Variants in FAM20C observed in about 807,000 individuals in gnomAD.
The protein encoded by FAM20C is extracellular serine/threonine protein kinase FAM20C.
In FAM20C, 40 loss-of-function variants were observed where a neutral mutation model predicts 51.5. That is an observed-to-expected ratio of 0.78 (90% CI 0.60 to 1.01). FAM20C has a LOEUF of 1.01. FAM20C is among the 50% of genes least tolerant of loss of function. The probability of loss-of-function intolerance (pLI) is 0.00; values close to 1 mark genes in which losing one functional copy is unlikely to be tolerated. For missense variants in FAM20C, 861 were observed against 844.7 expected, an observed-to-expected ratio of 1.02 and a Z score of -0.24; for synonymous variants, 406 against 380.6, an observed-to-expected ratio of 1.07 and a Z score of -0.78.
At chr7:258,265 TAG>T (rs1788711066) in intron 8 of FAM20C, among the ~76,000 whole-genome samples, 3 of 124,944 alleles carry the variant, frequency 2.4e-5, no homozygotes, top group Admixed American at 7.5e-5. Context: ...GTGCTGGAGA[TAG>T]GCAGGGTGGA....
chr7:258,850 C>A, intron 9 of FAM20C, 145 bp downstream of exon 9: 2 of 836,302 alleles, frequency 2.4e-6, no homozygotes, highest in East Asian at 5.5e-5. Flanking sequence ...CTGAATTCAA[C>A]CCACACCCTC....
At chr7:220,109 T>A (rs1226653940) in intron 3 of FAM20C, among the ~76,000 whole-genome samples, 1 of 152,206 alleles carries the variant, frequency 6.6e-6, no homozygotes, top group African/African-American at 2.4e-5. Flanking sequence ...CAAGACCCCT[T>A]GCAGGAAGGT....
chr7:241,690 A>T (rs879191395), intron 3 of FAM20C, among the ~76,000 whole-genome samples: 50,669 of 151,912 alleles, frequency 0.33, 10,566 homozygotes, highest in African/African-American at 0.6. Context: ...ATCTGTGCAC[A>T]TATGTGTGTG....
chr7:247,873 C>G (rs897840914), intron 4 of FAM20C, among the ~76,000 whole-genome samples: 1 of 152,252 alleles, frequency 6.6e-6, no homozygotes, highest in Non-Finnish European at 1.5e-5. Flanking sequence ...ACCTGGTCAC[C>G]TCGCCTCACA....
chr7:251,040 A>G (rs374117265), intron 5 of FAM20C, among the ~76,000 whole-genome samples: 1 of 152,220 alleles, frequency 6.6e-6, no homozygotes, highest in Admixed American at 6.5e-5. Context: ...TGCTGAGAAC[A>G]TGCCCTGCCT....
intron 2 of FAM20C, among the ~76,000 whole-genome samples, chr7:208,479 C>T (rs567397617): frequency 4.1e-5 from 5 of 122,572 alleles, no homozygotes; most frequent in Non-Finnish European, 5.7e-5. Flanking sequence ...GAGTCAGGCC[C>T]TGTGTCTGTG....
Position 193,431 on chromosome 7 carries a change from G to A in FAM20C, c.232G>A (p.Gly78Ser), listed in dbSNP as rs1199024862. Residue 78 changes from glycine to serine, a missense_variant, in exon 1 of 10, where the codon GGC becomes AGC. Transcript: ENST00000313766. ...GCCCCCGGCCGCCTCCTCCGCCGCC[G>A]GCGACGCGGGCTGGCCCAACAAGCA... ...GEPPAASSAAGDAGWPNKHTL... is the reference protein window; with the variant it reads ...GEPPAASSAASDAGWPNKHTL... 4.2e-6 allele frequency: 6 copies of A among 1,420,292 alleles called. No individual in the cohort carries two copies. The highest frequency in any genetic ancestry group is 6.5e-5 in the East Asian group (2 of 30,894). 88.0% of individuals were successfully genotyped at this position (1,420,292 alleles called of 1,614,324 possible). A position where few individuals can be genotyped will look rare whatever the true frequency, so the allele number is the denominator to read the frequency against.
At chr7:252,680 G>A (rs1788447265) in intron 5 of FAM20C, among the ~76,000 whole-genome samples, 1 of 152,202 alleles carries the variant, frequency 6.6e-6, no homozygotes, top group African/African-American at 2.4e-5. Context: ...CAGTGCTCGG[G>A]GAAGGTGGGC....
rs142283826 is a variant in FAM20C at position 258,547 on chromosome 7, C to T, written c.1446-99C>T. 80,530 of 1,201,426 alleles carry T rather than the reference C, an allele frequency of 0.067. 3,465 individuals are homozygous for T. Among genetic ancestry groups the T allele is most frequent in the Non-Finnish European group, 0.079 (66,632 of 845,236 alleles). 74.4% of individuals were successfully genotyped at this position (1,201,426 alleles called of 1,614,324 possible). On this transcript the variant is annotated intron_variant, in intron 8 of 9. Coordinates refer to ENST00000313766, the MANE Select transcript of FAM20C (RefSeq NM_020223.4). ...TGGGTGGACCCACTGCCTGGGGTGT[C>T]GGGTACAGGCAGGTGGACCCATGGC...
chr7:256,876 C>A, intron 7 of FAM20C, 113 bp downstream of exon 7: 1 of 1,413,222 alleles, frequency 7.1e-7, no homozygotes, highest in South Asian at 1.2e-5. Context: ...GTCCTGTGGC[C>A]TGTGAAGGGG....
chr7:206,190 T>C (rs1786370020), intron 2 of FAM20C, among the ~76,000 whole-genome samples: 1 of 152,172 alleles, frequency 6.6e-6, no homozygotes, highest in Non-Finnish European at 1.5e-5. Context: ...CTCCACCAGA[T>C]ACCTCTCAGA....
At chr7:230,214 G>T (rs1386682210) in intron 3 of FAM20C, among the ~76,000 whole-genome samples, 2 of 152,100 alleles carry the variant, frequency 1.3e-5, no homozygotes, top group Non-Finnish European at 2.9e-5. Flanking sequence ...CGCAGAGGAG[G>T]AGGCCAAGGG....
chr7:254,405 G>A (rs1354904399), intron 5 of FAM20C, among the ~76,000 whole-genome samples: 1 of 152,204 alleles, frequency 6.6e-6, no homozygotes, highest in Non-Finnish European at 1.5e-5. Flanking sequence ...ACAAAACCAC[G>A]TTCTCACCAG....
intron 5 of FAM20C, among the ~76,000 whole-genome samples, chr7:254,149 G>A (rs988762505): frequency 1.7e-4 from 26 of 152,300 alleles, no homozygotes; most frequent in African/African-American, 5.5e-4. Context: ...GGTGTGGTGG[G>A]GGCCAGGTCG....
rs1260042886 is a variant in FAM20C at position 229,299 on chromosome 7, T to C, written c.864-17116T>C. The C allele has an allele frequency of 1.5e-5, 3 of 201,546 alleles. No homozygotes were observed. The South Asian group carries it at 2.8e-4, about 19-fold the overall frequency. 12.5% of individuals were successfully genotyped at this position (201,546 alleles called of 1,614,324 possible). A position where few individuals can be genotyped will look rare whatever the true frequency, so the allele number is the denominator to read the frequency against. On this transcript the variant is annotated intron_variant, in intron 3 of 9. Coordinates refer to ENST00000313766, the MANE Select transcript of FAM20C (RefSeq NM_020223.4). ...CTTTGCTGCAATGTGTTCTGGCTGGTGTATAAATAATTCCGCACATCGCCG... is the reference window on the plus strand; with the variant it reads ...CTTTGCTGCAATGTGTTCTGGCTGGCGTATAAATAATTCCGCACATCGCCG...
chr7:208,828 C>T (rs1205257936), intron 2 of FAM20C, 70 bp from the exon 3 acceptor site: 1 of 1,484,822 alleles, frequency 6.7e-7, no homozygotes, highest in East Asian at 2.5e-5. Flanking sequence ...GCCAAGAGCC[C>T]TCGTCCGCAC....
intron 6 of FAM20C, 118 bp downstream of exon 6, chr7:256,147 T>C: frequency 1.6e-6 from 2 of 1,244,260 alleles, no homozygotes; most frequent in East Asian, 2.5e-5. Flanking sequence ...CAGAGCCTGC[T>C]GTGCGATGCT....
intron 3 of FAM20C, chr7:228,411 G>A (rs1488527531): frequency 2.2e-6 from 1 of 454,952 alleles, no homozygotes; most frequent in South Asian, 1.6e-5. Context: ...CCCCTCTGCT[G>A]GGTTGAGGAG....
At chr7:250,569 A>G (rs1173894014) in intron 5 of FAM20C, among the ~76,000 whole-genome samples, 2 of 152,148 alleles carry the variant, frequency 1.3e-5, no homozygotes, top group African/African-American at 2.4e-5. Context: ...TGAGCTGTCC[A>G]TCTTTTTTAA....
Sources: gnomAD v4.1 joint callset for allele counts (sites outside exome capture counted in the v4.1 genomes callset) on GRCh38, gnomAD v4.1.1 for gene constraint, MANE v1.5 for transcripts, NCBI Gene and HGNC (gene_info 2026-07-23, HGNC 2026-07-21) for gene names.